The following NRG3 variants were observed in gnomAD, a reference collection of about 807,000 sequenced individuals.
NRG3 encodes the protein neuregulin 3, also known as pro-neuregulin-3, membrane-bound isoform.
NRG3 carries 31 observed loss-of-function variants against 66.9 expected under a neutral mutation model. The observed-to-expected ratio is 0.46, with a 90% confidence interval of 0.35 to 0.63. The LOEUF (loss-of-function observed/expected upper bound fraction) is 0.63, where lower values mean the gene tolerates loss of function less well. Among genes scored for constraint, NRG3 ranks in the 20% least tolerant of loss-of-function variants. The pLI is 0.00. For missense variants in NRG3, 910 were observed against 878.9 expected (o/e 1.04, Z -0.45); for synonymous variants, 393 against 359.4 (o/e 1.09, Z -1.06).
intron 1 of NRG3, among the ~76,000 whole-genome samples, chr10:82,301,854 C>T (rs1348743295): frequency 6.6e-6 from 1 of 151,608 alleles, no homozygotes; most frequent in Non-Finnish European, 1.5e-5. Context: ...TTGCCCAGGC[C>T]TTTATTTAAG....
chr10:82,237,957 T>C (rs2076834374), intron 1 of NRG3, among the ~76,000 whole-genome samples: 1 of 152,178 alleles, frequency 6.6e-6, no homozygotes, highest in African/African-American at 2.4e-5. Flanking sequence ...AGAAAAAGTA[T>C]TGGTTTCAGG....
intron 2 of NRG3, among the ~76,000 whole-genome samples, chr10:82,447,325 C>T (rs1210173238): frequency 8.5e-5 from 13 of 152,136 alleles, no homozygotes. Context: ...TGGCCCATGC[C>T]TGTAGTTCCA....
chr10:82,885,965 G>A (rs573727047), intron 4 of NRG3, among the ~76,000 whole-genome samples: 2 of 151,996 alleles, frequency 1.3e-5, no homozygotes, highest in Non-Finnish European at 2.9e-5. Context: ...TCCGCCTCCC[G>A]GGCCCAAGGG....
chr10:82,955,706 GAAGT>G (rs1310933051), intron 5 of NRG3, among the ~76,000 whole-genome samples: 38 of 151,868 alleles, frequency 2.5e-4, no homozygotes, highest in Non-Finnish European at 5.1e-4. Context: ...TCAACCCCTT[GAAGT>G]AAGAGATTTT....
chr10:82,429,058 A>G (rs2089630598), intron 2 of NRG3, among the ~76,000 whole-genome samples: 1 of 152,024 alleles, frequency 6.6e-6, no homozygotes, highest in Admixed American at 6.5e-5. Flanking sequence ...AGGGGATTGC[A>G]ATTTACATGT....
chr10:82,129,253 A>G (rs2068657069), intron 1 of NRG3, among the ~76,000 whole-genome samples: 1 of 149,828 alleles, frequency 6.7e-6, no homozygotes, highest in South Asian at 2.1e-4. Context: ...AATACACAGT[A>G]TTCCTGTAAA....
chr10:82,639,207 G>T (rs1372709891), intron 2 of NRG3, among the ~76,000 whole-genome samples: 1 of 152,140 alleles, frequency 6.6e-6, no homozygotes, highest in African/African-American at 2.4e-5. Flanking sequence ...CAGTTGTGGA[G>T]GTTGGAAAGT....
chr10:82,351,834 C>A (rs114659529), intron 1 of NRG3, among the ~76,000 whole-genome samples: 168 of 152,338 alleles, frequency 1.1e-3, no homozygotes, highest in African/African-American at 3.8e-3. Context: ...TAAGTATGCA[C>A]TTCTGACCTA....
intron 3 of NRG3, among the ~76,000 whole-genome samples, chr10:82,809,373 T>A (rs2061407858): frequency 6.6e-6 from 1 of 151,544 alleles, no homozygotes; most frequent in South Asian, 2.1e-4. Context: ...ATACAAAAAA[T>A]ATATATTATA....
intron 1 of NRG3, among the ~76,000 whole-genome samples, chr10:81,983,909 A>G (rs1203942184): frequency 6.6e-6 from 1 of 152,198 alleles, no homozygotes; most frequent in Non-Finnish European, 1.5e-5. Flanking sequence ...GGATCTTGAT[A>G]TCGGGAGATT....
At chr10:82,317,678 G>A (rs1218128169) in intron 1 of NRG3, among the ~76,000 whole-genome samples, 1 of 152,162 alleles carries the variant, frequency 6.6e-6, no homozygotes, top group Non-Finnish European at 1.5e-5. Flanking sequence ...TCATGTTTGT[G>A]GCATCACAGG....
intron 2 of NRG3, among the ~76,000 whole-genome samples, chr10:82,619,165 A>C (rs1371398619): frequency 6.6e-6 from 1 of 152,144 alleles, no homozygotes; most frequent in Non-Finnish European, 1.5e-5. Flanking sequence ...CTTTAATGTA[A>C]GTTAGAGAAA....
chr10:82,414,662 GA>G (rs2088398322), intron 2 of NRG3, among the ~76,000 whole-genome samples: 1 of 152,134 alleles, frequency 6.6e-6, no homozygotes, highest in African/African-American at 2.4e-5. Context: ...CCAATCTGTG[GA>G]GAAAGGAATG....
intron 1 of NRG3, among the ~76,000 whole-genome samples, chr10:82,008,456 G>T (rs2061455749): frequency 6.6e-6 from 1 of 152,194 alleles, no homozygotes; most frequent in African/African-American, 2.4e-5. Context: ...ATAGAAAAAT[G>T]ATTGAGGACA....
intron 2 of NRG3, among the ~76,000 whole-genome samples, chr10:82,426,798 T>C (rs2089479061): frequency 6.6e-6 from 1 of 151,650 alleles, no homozygotes. Flanking sequence ...CACGCCCAGC[T>C]AATTTTTGTA....
intron 1 of NRG3, among the ~76,000 whole-genome samples, chr10:81,986,089 A>G (rs1250047218): frequency 6.6e-6 from 1 of 152,144 alleles, no homozygotes; most frequent in Non-Finnish European, 1.5e-5. Flanking sequence ...CATCACTGTA[A>G]AGAAAGGGCA....
At chr10:82,000,294 T>C (rs1333345212) in intron 1 of NRG3, among the ~76,000 whole-genome samples, 1 of 152,176 alleles carries the variant, frequency 6.6e-6, no homozygotes, top group Non-Finnish European at 1.5e-5. Context: ...TTATGTCCAT[T>C]TGGACAGAAA....
At chr10:82,132,685 G>A (rs898283393) in intron 1 of NRG3, among the ~76,000 whole-genome samples, 9 of 150,404 alleles carry the variant, frequency 6.0e-5, no homozygotes, top group African/African-American at 9.7e-5. Context: ...AAAATTCAGC[G>A]GTGAAGCCGT....
chr10:82,183,767 A>G (rs571250434), intron 1 of NRG3, among the ~76,000 whole-genome samples: 1 of 152,168 alleles, frequency 6.6e-6, no homozygotes, highest in Non-Finnish European at 1.5e-5. Flanking sequence ...AACATCTTAA[A>G]TATACAAAAC....
Sources: allele counts gnomAD v4.1 joint callset (sites outside exome capture counted in the v4.1 genomes callset), GRCh38; gene constraint gnomAD v4.1.1; transcripts MANE v1.5; gene names NCBI Gene and HGNC (gene_info 2026-07-23, HGNC 2026-07-21).